The following DCC variants were observed in gnomAD, a reference collection of about 807,000 sequenced individuals.
DCC encodes the protein DCC netrin 1 receptor.
Under a neutral mutation model 172.5 loss-of-function variants are expected in DCC, and 58 were observed. The observed-to-expected ratio is 0.34, with a 90% CI of 0.27 to 0.42. The LOEUF is 0.42. DCC is among the 10% of genes least tolerant of loss of function. The pLI, the probability that DCC is intolerant of heterozygous loss-of-function variation, is 1.00. For synonymous variants in DCC, 709 were observed against 644.5 expected, an observed-to-expected ratio of 1.10 and a Z score of -1.52; for missense variants, 1,740 against 1,791.0, an observed-to-expected ratio of 0.97 and a Z score of 0.51.
intron 1 of DCC, among the ~76,000 whole-genome samples, chr18:52,348,524 G>A (rs1037047491): frequency 2.6e-5 from 4 of 152,108 alleles, no homozygotes; most frequent in South Asian, 2.1e-4. Context: ...GGTTTAATTC[G>A]CATTTTCCTG....
At chr18:52,552,242 G>C (rs2032796747) in intron 1 of DCC, among the ~76,000 whole-genome samples, 1 of 151,910 alleles carries the variant, frequency 6.6e-6, no homozygotes, top group African/African-American at 2.4e-5. Context: ...GAATTAGGAG[G>C]GCAAAGCAAA....
At chr18:53,285,594 A>G (rs2056926166) in intron 12 of DCC, among the ~76,000 whole-genome samples, 1 of 152,230 alleles carries the variant, frequency 6.6e-6, no homozygotes, top group Middle Eastern at 3.2e-3. Flanking sequence ...GGCAGTGCAG[A>G]AAGGAAATGT....
intron 5 of DCC, among the ~76,000 whole-genome samples, chr18:52,933,592 C>G (rs114915808): frequency 6.4e-4 from 97 of 152,074 alleles, no homozygotes; most frequent in African/African-American, 2.2e-3. Flanking sequence ...CCATATAGGT[C>G]TTGAGTATTT....
chr18:53,399,203 T>C (rs536216885), intron 18 of DCC, among the ~76,000 whole-genome samples: 45 of 152,270 alleles, frequency 3.0e-4, no homozygotes, highest in Admixed American at 1.9e-3. Context: ...ATTCCTAGGC[T>C]GTAGAAGTGA....
chr18:52,690,703 T>C (rs563050270), intron 1 of DCC, among the ~76,000 whole-genome samples: 2 of 152,200 alleles, frequency 1.3e-5, no homozygotes, highest in Admixed American at 6.6e-5. Context: ...AAAATAATGA[T>C]TCTGCTTTAT....
intron 12 of DCC, among the ~76,000 whole-genome samples, chr18:53,297,285 C>T (rs1460675916): frequency 1.3e-5 from 2 of 152,184 alleles, no homozygotes; most frequent in African/African-American, 4.8e-5. Context: ...CAGTGACACC[C>T]TTTGTTTTAA....
chr18:52,619,801 T>C (rs781762709), intron 1 of DCC, among the ~76,000 whole-genome samples: 1 of 152,142 alleles, frequency 6.6e-6, no homozygotes, highest in Non-Finnish European at 1.5e-5. Context: ...AAATGGCACA[T>C]GGATAAATTT....
intron 9 of DCC, among the ~76,000 whole-genome samples, chr18:53,188,839 C>A (rs1038968871): frequency 6.6e-6 from 1 of 152,144 alleles, no homozygotes; most frequent in Non-Finnish European, 1.5e-5. Flanking sequence ...CTGGTAGCTG[C>A]ATAATTTCAG....
chr18:53,217,160 A>G (rs140618702), intron 12 of DCC, among the ~76,000 whole-genome samples: 3 of 152,100 alleles, frequency 2.0e-5, no homozygotes, highest in East Asian at 1.9e-4. Context: ...TGAAACGTGT[A>G]TAGGGCATTA....
chr18:52,534,649 G>C (rs1312983761), intron 1 of DCC, among the ~76,000 whole-genome samples: 1 of 152,104 alleles, frequency 6.6e-6, no homozygotes, highest in Non-Finnish European at 1.5e-5. Context: ...GCAAAGCAAT[G>C]ATTTAATACC....
intron 12 of DCC, among the ~76,000 whole-genome samples, chr18:53,222,383 C>CTTTTTTTT (rs67373546): frequency 4.0e-3 from 416 of 104,082 alleles, no homozygotes; most frequent in Non-Finnish European, 5.9e-3. Context: ...TTTCTTTTTT[C>CTTTTTTTT]TTTTTTTTTT....
chr18:52,966,578 A>T (rs2145578061), intron 5 of DCC, among the ~76,000 whole-genome samples: 1 of 152,238 alleles, frequency 6.6e-6, no homozygotes, highest in African/African-American at 2.4e-5. Context: ...GAGAAAATAG[A>T]TAGGACAGTG....
chr18:53,283,466 T>A (rs199931420), intron 12 of DCC, among the ~76,000 whole-genome samples: 3 of 152,166 alleles, frequency 2.0e-5, no homozygotes, highest in East Asian at 3.8e-4. Flanking sequence ...ACTGATTTGA[T>A]GTATATTATT....
intron 5 of DCC, among the ~76,000 whole-genome samples, chr18:53,030,175 G>C (rs148659249): frequency 1.3e-5 from 2 of 152,154 alleles, no homozygotes; most frequent in Non-Finnish European, 2.9e-5. Context: ...AGGAAACTTA[G>C]GCTTTCAGCC....
Position 53,497,719 on chromosome 18 carries a change from C to A in DCC, c.3899-1579C>A, listed in dbSNP as rs574936445. Among the ~76,000 whole-genome samples the A allele has an allele frequency of 3.3e-5, 5 of 152,326 alleles. No homozygotes were observed. In the South Asian group the frequency reaches 8.3e-4, roughly 25 times the overall value. ...ATTTAGTGCCTTGTATAACACCTAC[C>A]TAAAGCCTCGCATCTGAAAGCCAAC... On this transcript the variant is annotated intron_variant, in intron 26 of 28. Coordinates refer to ENST00000442544, the MANE Select transcript of DCC (RefSeq NM_005215.4).
chr18:53,268,293 C>T (rs2056705502), intron 12 of DCC, among the ~76,000 whole-genome samples: 1 of 152,066 alleles, frequency 6.6e-6, no homozygotes, highest in Admixed American at 6.6e-5. Context: ...ATCTGATTTA[C>T]ACATACTTAT....
intron 1 of DCC, among the ~76,000 whole-genome samples, chr18:52,652,047 G>T (rs1032917470): frequency 2.6e-5 from 4 of 152,220 alleles, no homozygotes; most frequent in African/African-American, 9.6e-5. Flanking sequence ...ATTGACTCAA[G>T]GAAAGAGACT....
intron 7 of DCC, among the ~76,000 whole-genome samples, chr18:53,077,615 C>T (rs1416365785): frequency 2.0e-5 from 3 of 152,072 alleles, no homozygotes; most frequent in African/African-American, 7.2e-5. Context: ...GTGGACTCTC[C>T]CATGGTTATT....
intron 1 of DCC, among the ~76,000 whole-genome samples, chr18:52,537,150 T>C (rs548288776): frequency 6.6e-6 from 1 of 152,308 alleles, no homozygotes; most frequent in East Asian, 1.9e-4. Flanking sequence ...CCTTATCTTA[T>C]CATGAGTAAA....
Sources: allele counts gnomAD v4.1 joint callset (sites outside exome capture counted in the v4.1 genomes callset), GRCh38; gene constraint gnomAD v4.1.1; transcripts MANE v1.5; gene names NCBI Gene and HGNC (gene_info 2026-07-23, HGNC 2026-07-21).